Variants in ARFGEF1 observed in about 807,000 individuals in gnomAD.
ARFGEF1 encodes ARF guanine nucleotide exchange factor 1.
A neutral mutation model predicts 231.0 loss-of-function variants in ARFGEF1; 42 were observed. The observed-to-expected ratio is 0.18, with a 90% CI of 0.14 to 0.24. The LOEUF (loss-of-function observed/expected upper bound fraction) is 0.24, where lower values mean the gene tolerates loss of function less well. Ranked by LOEUF, ARFGEF1 falls within the 10% of genes least tolerant of loss-of-function variation. The probability of loss-of-function intolerance (pLI) is 1.00; values close to 1 mark genes in which losing one functional copy is unlikely to be tolerated. For synonymous variants in ARFGEF1, 710 were observed against 732.3 expected (o/e 0.97, Z 0.49); for missense variants, 1,345 against 2,192.0 (o/e 0.61, Z 7.72).
At chr8:67,192,069 T>G (rs1248379117) in intron 5 of ARFGEF1, among the ~76,000 whole-genome samples, 2 of 141,590 alleles carry the variant, frequency 1.4e-5, no homozygotes, top group African/African-American at 5.3e-5. Flanking sequence ...CTGATTTGTT[T>G]TTTTTTTTGT....
At chr8:67,205,611 C>T (rs1838482616) in intron 34 of ARFGEF1, among the ~76,000 whole-genome samples, 1 of 152,146 alleles carries the variant, frequency 6.6e-6, no homozygotes, top group African/African-American at 2.4e-5. Flanking sequence ...AATCCCAGCA[C>T]TCTGGGAAGC....
In ARFGEF1 at chr8:67,343,333, G is replaced by A. The variant is rs201374892; in HGVS notation, c.-46C>T. The A allele has an allele frequency of 3.0e-4, 475 of 1,604,246 alleles. 2 individuals are homozygous for A. Among genetic ancestry groups the A allele is most frequent in the Middle Eastern group, 2.3e-3 (14 of 6,004 alleles). Reference sequence around the variant, plus strand: ...CGGCTCGTCCGACCCGCGGCTCCCAGCGGCTGGAGGGGAGGAGGAGGAGAG... The same window carrying A: ...CGGCTCGTCCGACCCGCGGCTCCCAACGGCTGGAGGGGAGGAGGAGGAGAG... On this transcript the variant is annotated 5_prime_UTR_variant, in exon 1 of 39. Coordinates refer to ENST00000262215, the MANE Select transcript of ARFGEF1 (RefSeq NM_006421.5).
At chr8:67,185,207 GGTT>G (rs1458689641) in intron 5 of ARFGEF1, among the ~76,000 whole-genome samples, 3 of 152,160 alleles carry the variant, frequency 2.0e-5, no homozygotes, top group Non-Finnish European at 4.4e-5. Flanking sequence ...CTTGAGAAGT[GGTT>G]GTTTATCTCC....
At chr8:67,209,705 AG>A (rs935151466) in intron 34 of ARFGEF1, among the ~76,000 whole-genome samples, 6 of 152,162 alleles carry the variant, frequency 3.9e-5, no homozygotes, top group African/African-American at 9.7e-5. Context: ...AAAAAAGTAA[AG>A]GGTTCCTCTT....
chr8:67,265,226 A>G lies in ARFGEF1; in HGVS notation c.2123+780T>C, dbSNP rs149887317. On this transcript the variant is annotated intron_variant, in intron 14 of 38. Coordinates refer to ENST00000262215, the MANE Select transcript of ARFGEF1 (RefSeq NM_006421.5). ...GTACATTTTTGTTGAACTGTTTTTC[A>G]TATTAACACTGGAGAAAAAAGACAC... Among the ~76,000 whole-genome samples the G allele has an allele frequency of 4.1e-3, 623 of 152,284 alleles. 8 individuals are homozygous for G. Among genetic ancestry groups the G allele is most frequent in the African/African-American group, 9.5e-3 (393 of 41,576 alleles).
intron 7 of ARFGEF1, among the ~76,000 whole-genome samples, chr8:67,278,885 G>A (rs929432152): frequency 1.3e-5 from 2 of 152,228 alleles, no homozygotes; most frequent in South Asian, 2.1e-4. Flanking sequence ...GAAAACAGAC[G>A]CTTTCTTAAG....
intron 35 of ARFGEF1, among the ~76,000 whole-genome samples, chr8:67,203,879 C>T (rs1179876385): frequency 1.3e-5 from 2 of 152,130 alleles, no homozygotes; most frequent in Non-Finnish European, 2.9e-5. Context: ...CATCCCCCAG[C>T]CCTCCCCCTG....
At chr8:67,294,645 G>A (rs1806152549) in intron 5 of ARFGEF1, among the ~76,000 whole-genome samples, 1 of 152,136 alleles carries the variant, frequency 6.6e-6, no homozygotes, top group Admixed American at 6.6e-5. Context: ...GGAGAAGACT[G>A]AAATGAACCC....
At chr8:67,262,702 C>T (rs1804686014) in intron 14 of ARFGEF1, among the ~76,000 whole-genome samples, 2 of 152,164 alleles carry the variant, frequency 1.3e-5, no homozygotes, top group African/African-American at 4.8e-5. Context: ...CCTGATCAGT[C>T]AGCAGCCATC....
At chr8:67,308,739 T>C (rs1176545291) in intron 1 of ARFGEF1, among the ~76,000 whole-genome samples, 3 of 152,232 alleles carry the variant, frequency 2.0e-5, no homozygotes, top group East Asian at 1.9e-4. Flanking sequence ...TCTGAGCTAC[T>C]TGAATGCAAG....
intron 1 of ARFGEF1, among the ~76,000 whole-genome samples, chr8:67,313,330 T>C (rs1032669052): frequency 2.0e-5 from 3 of 152,158 alleles, no homozygotes; most frequent in African/African-American, 7.2e-5. Flanking sequence ...GGTAAACTAG[T>C]GTGATTTTTG....
chr8:67,218,548 T>A (rs535019610), intron 30 of ARFGEF1, among the ~76,000 whole-genome samples: 33 of 152,028 alleles, frequency 2.2e-4, no homozygotes, highest in Admixed American at 5.3e-4. Flanking sequence ...CCAAATGGGA[T>A]TAGCATAGGT....
chr8:67,303,105 C>CA (rs879885919), intron 1 of ARFGEF1, among the ~76,000 whole-genome samples: 147 of 130,126 alleles, frequency 1.1e-3, no homozygotes, highest in Admixed American at 1.8e-3. Flanking sequence ...GTCCTCCCAC[C>CA]AAAAAAAAAA....
chr8:67,328,951 C>A (rs1301400867), intron 1 of ARFGEF1, among the ~76,000 whole-genome samples: 1 of 152,140 alleles, frequency 6.6e-6, no homozygotes, highest in East Asian at 1.9e-4. Flanking sequence ...CAGGGCCAGG[C>A]CCAGTAGCCT....
At chr8:67,297,168 C>A (rs1391418283) in intron 4 of ARFGEF1, among the ~76,000 whole-genome samples, 1 of 152,052 alleles carries the variant, frequency 6.6e-6, no homozygotes, top group Admixed American at 6.6e-5. Flanking sequence ...TTGTTTCAAC[C>A]AAGGTTTCAT....
At chr8:67,258,029 C>G in intron 16 of ARFGEF1, 56 bp downstream of exon 16, 1 of 1,480,374 alleles carries the variant, frequency 6.8e-7, no homozygotes, top group Non-Finnish European at 9.4e-7. Flanking sequence ...TGGATGCTAC[C>G]TAGCACAGTG....
chr8:67,288,725 G>A (rs1199320632), intron 6 of ARFGEF1, among the ~76,000 whole-genome samples: 1 of 151,414 alleles, frequency 6.6e-6, no homozygotes, highest in Non-Finnish European at 1.5e-5. Context: ...AGAGCAAGAC[G>A]ACGTCTCAAA....
Position 67,228,225 on chromosome 8 carries a change from A to G in ARFGEF1, c.3420T>C (p.Ile1140=), listed in dbSNP as rs1437158924. ...AGTAGAATAAATGCCCATACTTACC[A>G]ATGGCATTTCCATCTAGCCTTGTAG... ...TGSTRLDGNA[I]VDFVRWLCAV... The change falls in exon 24 of 39, where the codon ATT becomes ATC. Residue 1140 remains isoleucine, a splice_region_variant and synonymous_variant. Coordinates refer to ENST00000262215, the MANE Select transcript of ARFGEF1 (RefSeq NM_006421.5). 3 of 1,611,138 alleles carry G rather than the reference A, an allele frequency of 1.9e-6. No homozygotes were observed. The highest frequency in any genetic ancestry group is 2.5e-6 in the Non-Finnish European group (3 of 1,178,466).
intron 7 of ARFGEF1, among the ~76,000 whole-genome samples, chr8:67,287,441 T>C (rs1805807523): frequency 6.6e-6 from 1 of 152,202 alleles, no homozygotes; most frequent in South Asian, 2.1e-4. Flanking sequence ...TACTGATGAT[T>C]CTGCTTTGTA....
Sources: gnomAD v4.1 joint callset for allele counts (sites outside exome capture counted in the v4.1 genomes callset) on GRCh38, gnomAD v4.1.1 for gene constraint, MANE v1.5 for transcripts, NCBI Gene and HGNC (gene_info 2026-07-23, HGNC 2026-07-21) for gene names.